Variants in COL5A2 observed in about 807,000 individuals in gnomAD.
The protein encoded by COL5A2 is collagen type V alpha 2 chain.
In COL5A2, 23 loss-of-function variants were observed where a neutral mutation model predicts 208.2. The ratio of observed to expected loss-of-function variants is 0.11; its 90% confidence interval spans 0.08 to 0.16. The LOEUF is 0.16. COL5A2 is among the 10% of genes least tolerant of loss of function. The probability of loss-of-function intolerance (pLI) is 1.00; values close to 1 mark genes in which losing one functional copy is unlikely to be tolerated. For synonymous variants in COL5A2, 625 were observed against 628.5 expected (o/e 0.99, Z 0.08); for missense variants, 1,590 against 1,956.4 (o/e 0.81, Z 3.53).
At chr2:189,317,458 T>C in the COL5A2 span, among the ~76,000 whole-genome samples, 11 of 152,130 alleles carry the variant, frequency 7.2e-5, no homozygotes, top group Non-Finnish European at 1.2e-4. Flanking sequence ...TCCAAATACT[T>C]TCTATGTACT....
At chr2:189,040,038 A>T (rs890833657) in intron 50 of COL5A2, among the ~76,000 whole-genome samples, 2 of 152,200 alleles carry the variant, frequency 1.3e-5, no homozygotes, top group African/African-American at 4.8e-5. Context: ...GGAAACACCC[A>T]CAAGAGAATT....
intron 7 of COL5A2, among the ~76,000 whole-genome samples, chr2:189,090,616 T>C (rs1686764420): frequency 1.3e-5 from 2 of 152,198 alleles, no homozygotes; most frequent in African/African-American, 4.8e-5. Flanking sequence ...GCTTATTCTC[T>C]TGTTAGGGGT....
chr2:189,083,735 A>G (rs566767714), intron 12 of COL5A2, among the ~76,000 whole-genome samples: 32 of 152,216 alleles, frequency 2.1e-4, no homozygotes, highest in African/African-American at 7.5e-4. Context: ...TTTGGAGAGC[A>G]TTCATGTTAT....
At chr2:189,320,481 G>A in the COL5A2 span, among the ~76,000 whole-genome samples, 1 of 152,206 alleles carries the variant, frequency 6.6e-6, no homozygotes, top group South Asian at 2.1e-4. Context: ...AGGACCTGAT[G>A]GGGCTGAAAA....
chr2:189,280,705 T>A, the COL5A2 span, among the ~76,000 whole-genome samples: 1 of 152,234 alleles, frequency 6.6e-6, no homozygotes, highest in East Asian at 1.9e-4. Context: ...TGTGAAATAT[T>A]TCTTATATTG....
the COL5A2 span, among the ~76,000 whole-genome samples, chr2:189,260,148 T>C: frequency 6.6e-6 from 1 of 152,230 alleles, no homozygotes; most frequent in African/African-American, 2.4e-5. Context: ...TATATTCCTC[T>C]TTCAAAAAAA....
chr2:189,092,683 T>G (rs1318354487), intron 6 of COL5A2, among the ~76,000 whole-genome samples: 4 of 152,190 alleles, frequency 2.6e-5, no homozygotes, highest in Non-Finnish European at 4.4e-5. Context: ...AATAATTATT[T>G]TTAAAATTTT....
At chr2:189,360,194 T>G in the COL5A2 span, among the ~76,000 whole-genome samples, 7 of 152,274 alleles carry the variant, frequency 4.6e-5, no homozygotes, top group African/African-American at 1.4e-4. Context: ...TGCTAAGAAC[T>G]CCTGTCTTAA....
rs553374362 is a variant in COL5A2, at chr2:189,103,015, C to G, written c.336+1249G>C. ...ATGACACAGCCTACCAGTTATCTCT[C>G]TAAGTCGGGTAACTGCTAACTGAAT... On this transcript the variant is annotated intron_variant, in intron 3 of 53. Coordinates refer to ENST00000374866, the MANE Select transcript of COL5A2 (RefSeq NM_000393.5). Among the ~76,000 whole-genome samples the G allele has an allele frequency of 1.1e-4, 17 of 152,190 alleles. No individual in the cohort carries two copies. In the East Asian group the frequency reaches 3.3e-3, roughly 29 times the overall value.
At chr2:189,206,823 G>A (rs1048630051) in intron 1 of COL5A2, among the ~76,000 whole-genome samples, 12 of 152,186 alleles carry the variant, frequency 7.9e-5, no homozygotes, top group Non-Finnish European at 1.6e-4. Context: ...ACACATACTC[G>A]AAAGTTGTGT....
intron 16 of COL5A2, 59 bp from the exon 17 acceptor site, chr2:189,075,496 C>G: frequency 1.5e-6 from 2 of 1,350,654 alleles, no homozygotes; most frequent in Non-Finnish European, 2.1e-6. Context: ...TATATTTTCT[C>G]TTATTTGCCT....
chr2:189,044,551 T>C (rs764790041), intron 47 of COL5A2, among the ~76,000 whole-genome samples: 3 of 152,186 alleles, frequency 2.0e-5, no homozygotes, highest in Non-Finnish European at 4.4e-5. Flanking sequence ...TATGCAACTA[T>C]AAAATATTTG....
At chr2:189,404,511 C>A in the COL5A2 span, among the ~76,000 whole-genome samples, 1 of 152,130 alleles carries the variant, frequency 6.6e-6, no homozygotes, top group African/African-American at 2.4e-5. Context: ...TTACACCATT[C>A]GCTCCCCTGG....
At chr2:189,411,637 T>C in the COL5A2 span, among the ~76,000 whole-genome samples, 776 of 138,840 alleles carry the variant, frequency 5.6e-3, 2 homozygotes, top group Non-Finnish European at 9.6e-3. Context: ...TAAGAAGTTA[T>C]ATAGGTGTTG....
At chr2:189,233,930 A>T in the COL5A2 span, among the ~76,000 whole-genome samples, 1 of 151,772 alleles carries the variant, frequency 6.6e-6, no homozygotes, top group Non-Finnish European at 1.5e-5. Context: ...ATTGTAAGTC[A>T]AGGAGCATAT....
At chr2:189,138,866 A>G (rs1473610313) in intron 1 of COL5A2, among the ~76,000 whole-genome samples, 1 of 152,202 alleles carries the variant, frequency 6.6e-6, no homozygotes, top group Non-Finnish European at 1.5e-5. Context: ...TAAAATAAAT[A>G]TCTATGAGTC....
At chr2:189,187,696 C>T (rs559789096) in intron 1 of COL5A2, among the ~76,000 whole-genome samples, 1 of 152,078 alleles carries the variant, frequency 6.6e-6, no homozygotes, top group Admixed American at 6.5e-5. Flanking sequence ...ATTGGCCGGG[C>T]GCGGTGGCTC....
At chr2:189,303,013 G>T in the COL5A2 span, among the ~76,000 whole-genome samples, 6 of 151,420 alleles carry the variant, frequency 4.0e-5, no homozygotes, top group Middle Eastern at 3.2e-3. Flanking sequence ...TGCTGAGATT[G>T]CCAAGATCTA....
At chr2:189,126,290 T>A (rs1284068428) in intron 1 of COL5A2, among the ~76,000 whole-genome samples, 1 of 152,092 alleles carries the variant, frequency 6.6e-6, no homozygotes, top group Admixed American at 6.6e-5. Context: ...CCAATGGTAA[T>A]ATTTTGTGTA....
Sources: allele counts gnomAD v4.1 joint callset (sites outside exome capture counted in the v4.1 genomes callset), GRCh38; gene constraint gnomAD v4.1.1; transcripts MANE v1.5; gene names NCBI Gene and HGNC (gene_info 2026-07-23, HGNC 2026-07-21).